The following CCDC25 variants were observed in gnomAD, a reference collection of about 807,000 sequenced individuals.
CCDC25 encodes coiled-coil domain containing 25.
In CCDC25, 16 loss-of-function variants were observed where a neutral mutation model predicts 35.3. That is an observed-to-expected ratio of 0.45 (90% confidence interval 0.31 to 0.69). CCDC25 has a LOEUF of 0.69. Among genes scored for constraint, CCDC25 ranks in the 30% least tolerant of loss-of-function variants. CCDC25 has a pLI of 0.06. For missense variants in CCDC25, 179 were observed against 250.7 expected (o/e 0.71, Z 1.93); for synonymous variants, 79 against 80.3 (o/e 0.98, Z 0.09).
At chr8:27,754,300 A>G (rs868730716) in intron 4 of CCDC25, among the ~76,000 whole-genome samples, 1 of 152,238 alleles carries the variant, frequency 6.6e-6, no homozygotes, top group South Asian at 2.1e-4. Flanking sequence ...AAAATAACAA[A>G]TATGAAAATT....
intron 4 of CCDC25, 36 bp downstream of exon 4, chr8:27,756,683 G>C: frequency 6.9e-7 from 1 of 1,449,844 alleles, no homozygotes; most frequent in East Asian, 2.3e-5. Context: ...GCATCATCAG[G>C]AGAAAAGTCA....
intron 8 of CCDC25, among the ~76,000 whole-genome samples, chr8:27,738,517 A>G (rs1803326653): frequency 6.6e-6 from 1 of 151,986 alleles, no homozygotes; most frequent in African/African-American, 2.4e-5. Flanking sequence ...TGGGCTACAA[A>G]TTCAATTTCC....
chr8:27,759,331 GCA>G (rs1209125231), intron 3 of CCDC25, among the ~76,000 whole-genome samples: 1 of 152,210 alleles, frequency 6.6e-6, no homozygotes, highest in Non-Finnish European at 1.5e-5. Context: ...TTAGGGCTGG[GCA>G]CAGTGGCTCA....
At chr8:27,757,574 C>G (rs973423834) in intron 3 of CCDC25, among the ~76,000 whole-genome samples, 16 of 152,070 alleles carry the variant, frequency 1.1e-4, no homozygotes, top group African/African-American at 3.9e-4. Context: ...TTTAATTAAA[C>G]CTTTTAAAAT....
chr8:27,749,230 C>T (rs1277857330), intron 5 of CCDC25, among the ~76,000 whole-genome samples: 1 of 152,168 alleles, frequency 6.6e-6, no homozygotes, highest in Non-Finnish European at 1.5e-5. Flanking sequence ...GCCCCTTCAC[C>T]GCCTCCTCCA....
At chr8:27,751,097 T>C (rs1219441840) in intron 5 of CCDC25, among the ~76,000 whole-genome samples, 2 of 152,248 alleles carry the variant, frequency 1.3e-5, no homozygotes, top group African/African-American at 4.8e-5. Context: ...CATGACTCTT[T>C]GCTCCTCTTT....
chr8:27,758,939 C>T (rs893136348), intron 3 of CCDC25, among the ~76,000 whole-genome samples: 1 of 152,028 alleles, frequency 6.6e-6, no homozygotes, highest in African/African-American at 2.4e-5. Context: ...ATGATAGATA[C>T]ACCTCTACAA....
At chr8:27,769,787 TA>T (rs1350817711) in intron 1 of CCDC25, among the ~76,000 whole-genome samples, 2 of 152,198 alleles carry the variant, frequency 1.3e-5, no homozygotes, top group African/African-American at 4.8e-5. Context: ...ATCTTACTTC[TA>T]AAGAGAAAGT....
chr8:27,740,969 A>G (rs1803416122), intron 7 of CCDC25, among the ~76,000 whole-genome samples: 1 of 152,206 alleles, frequency 6.6e-6, no homozygotes. Flanking sequence ...ACCCAAACCA[A>G]GCCAATCAAG....
intron 5 of CCDC25, among the ~76,000 whole-genome samples, chr8:27,751,505 G>A (rs1803805063): frequency 6.6e-6 from 1 of 152,170 alleles, no homozygotes; most frequent in Non-Finnish European, 1.5e-5. Context: ...CGGGGAAAGG[G>A]GAATGCTGCG....
chr8:27,751,886 C>G (rs1308582363), intron 5 of CCDC25, among the ~76,000 whole-genome samples: 2 of 152,188 alleles, frequency 1.3e-5, no homozygotes, highest in Non-Finnish European at 2.9e-5. Flanking sequence ...TAATTGTTCT[C>G]AACCCATGCT....
intron 2 of CCDC25, chr8:27,764,289 A>C (rs1804325959): frequency 5.5e-6 from 1 of 181,560 alleles, no homozygotes. Flanking sequence ...CACTTACTTC[A>C]GACAACAGAT....
intron 7 of CCDC25, among the ~76,000 whole-genome samples, chr8:27,741,050 T>G (rs984313279): frequency 1.3e-5 from 2 of 152,180 alleles, no homozygotes; most frequent in African/African-American, 4.8e-5. Flanking sequence ...GATGGTATCT[T>G]TAATGACTTG....
chr8:27,770,912 T>TC (rs919382312), intron 1 of CCDC25, among the ~76,000 whole-genome samples: 1 of 151,982 alleles, frequency 6.6e-6, no homozygotes, highest in Middle Eastern at 3.2e-3. Flanking sequence ...AGTACAGTAG[T>TC]CCCCCCTTAT....
At chr8:27,740,417 AAACCCTTAGTG>A in intron 8 of CCDC25, 44 bp downstream of exon 8, 1 of 1,538,558 alleles carries the variant, frequency 6.5e-7, no homozygotes, top group Non-Finnish European at 8.9e-7. Context: ...CAATTATTAA[AAACCCTTAGTG>A]AATTATTTCA....
intron 3 of CCDC25, among the ~76,000 whole-genome samples, chr8:27,758,054 C>A (rs1212136501): frequency 6.6e-6 from 1 of 152,190 alleles, no homozygotes; most frequent in East Asian, 1.9e-4. Flanking sequence ...GCCTGCCAAA[C>A]CATGAGCCAA....
chr8:27,762,272 A>G, intron 3 of CCDC25, 147 bp downstream of exon 3: 1 of 686,736 alleles, frequency 1.5e-6, no homozygotes, highest in Non-Finnish European at 2.5e-6. Flanking sequence ...TTGCAAGGTA[A>G]TTAGAAATGA....
At position 27,772,389 on chromosome 8, in the gene CCDC25, C is replaced by T. The variant is rs139059317; in HGVS notation, c.28+124G>A. 2.1e-3 allele frequency: 1,898 copies of T among 915,334 alleles called. 33 individuals are homozygous for T. In the African/African-American group the frequency reaches 0.027, roughly 13 times the overall value. 56.7% of individuals were successfully genotyped at this position (915,334 alleles called of 1,614,324 possible). A position where few individuals can be genotyped will look rare whatever the true frequency, so the allele number is the denominator to read the frequency against. Reference sequence around the variant, plus strand: ...GATGTGCTGGGGGACCGAGAGGCCGCGGGAAGAGGCACTCGCATCCAGAAG... The same window carrying T: ...GATGTGCTGGGGGACCGAGAGGCCGTGGGAAGAGGCACTCGCATCCAGAAG... On this transcript the variant is annotated intron_variant, in intron 1 of 8. Transcript: ENST00000356537.
In CCDC25 at chr8:27,735,034, A is replaced by T. The variant is rs1373845373; in HGVS notation, c.*1182T>A. On this transcript the variant is annotated 3_prime_UTR_variant, in exon 9 of 9. Coordinates refer to ENST00000356537, the MANE Select transcript of CCDC25 (RefSeq NM_018246.3). ...CCCTTTTTAATAGCAAATTCTAAGA[A>T]TTCATATATCAATGTCCTTCCAGAT... is the stretch of plus-strand genomic sequence containing the variant. 2.6e-5 allele frequency: 4 copies of T among 152,324 alleles called. No homozygotes were observed. Among genetic ancestry groups the T allele is most frequent in the Non-Finnish European group, 5.9e-5 (4 of 68,048 alleles). The allele number at this position is 152,324 out of a possible 1,614,324, so 9.4% of individuals were successfully genotyped here. A position where few individuals can be genotyped will look rare whatever the true frequency, so the allele number is the denominator to read the frequency against.
Sources: allele counts gnomAD v4.1 joint callset (sites outside exome capture counted in the v4.1 genomes callset), GRCh38; gene constraint gnomAD v4.1.1; transcripts MANE v1.5; gene names NCBI Gene and HGNC (gene_info 2026-07-23, HGNC 2026-07-21).